AFG2A: variants seen among roughly 807,000 people sequenced by gnomAD.
AFG2A encodes ATPase family gene 2 protein homolog A.
At chr4:122,959,082 T>C in the AFG2A span, among the ~76,000 whole-genome samples, 1 of 152,218 alleles carries the variant, frequency 6.6e-6, no homozygotes, top group African/African-American at 2.4e-5. Context: ...TTTGCATTTC[T>C]AACAAGCTTG....
the AFG2A span, among the ~76,000 whole-genome samples, chr4:123,106,774 C>T: frequency 2.0e-5 from 3 of 152,246 alleles, no homozygotes; most frequent in Non-Finnish European, 2.9e-5. Context: ...GTACTGCTCG[C>T]ACCCACTGAG....
the AFG2A span, among the ~76,000 whole-genome samples, chr4:123,192,263 GCA>G: frequency 6.6e-6 from 1 of 152,162 alleles, no homozygotes; most frequent in Admixed American, 6.6e-5. Context: ...CTGAGCTTAA[GCA>G]ATCTACCTGC....
At chr4:123,074,023 C>T in the AFG2A span, among the ~76,000 whole-genome samples, 2 of 150,792 alleles carry the variant, frequency 1.3e-5, no homozygotes, top group Non-Finnish European at 3.0e-5. Flanking sequence ...TTGCCTTCAA[C>T]ATTTCAGAGT....
At chr4:122,936,591 T>C in the AFG2A span, among the ~76,000 whole-genome samples, 1 of 152,234 alleles carries the variant, frequency 6.6e-6, no homozygotes, top group Non-Finnish European at 1.5e-5. Context: ...ATGCCTGTAA[T>C]ACCATCACTT....
the AFG2A span, among the ~76,000 whole-genome samples, chr4:123,057,546 A>G: frequency 3.3e-5 from 5 of 152,170 alleles, no homozygotes; most frequent in East Asian, 9.6e-4. Context: ...TATAGTTTAT[A>G]TCAACACATA....
At chr4:122,976,587 A>C in the AFG2A span, among the ~76,000 whole-genome samples, 27 of 152,088 alleles carry the variant, frequency 1.8e-4, no homozygotes, top group African/African-American at 6.5e-4. Flanking sequence ...AGCCTTCTAC[A>C]CTTATTCCTC....
the AFG2A span, among the ~76,000 whole-genome samples, chr4:123,161,448 G>A: frequency 6.6e-6 from 1 of 152,154 alleles, no homozygotes; most frequent in Admixed American, 6.5e-5. Flanking sequence ...AAGAAAGGAT[G>A]CTATTTCAGG....
chr4:123,257,417 A>G, the AFG2A span, among the ~76,000 whole-genome samples: 2 of 152,210 alleles, frequency 1.3e-5, no homozygotes, highest in Non-Finnish European at 2.9e-5. Context: ...AAAAACATAT[A>G]TGCATTTTTG....
chr4:123,310,399 C>CCCA, the AFG2A span, among the ~76,000 whole-genome samples: 2 of 152,276 alleles, frequency 1.3e-5, no homozygotes, highest in South Asian at 2.1e-4. Flanking sequence ...TCAATGTAAT[C>CCCA]CGTGTTTTCT....
chr4:123,071,341 G>A, the AFG2A span, among the ~76,000 whole-genome samples: 5 of 152,104 alleles, frequency 3.3e-5, no homozygotes, highest in Admixed American at 6.5e-5. Flanking sequence ...TTAGCCGGGC[G>A]TGGTGGCGCA....
the AFG2A span, among the ~76,000 whole-genome samples, chr4:123,161,489 A>T: frequency 6.6e-6 from 1 of 152,164 alleles, no homozygotes; most frequent in South Asian, 2.1e-4. Context: ...TAGTTATTCC[A>T]TATGGAAATA....
At chr4:123,233,641 G>A in the AFG2A span, among the ~76,000 whole-genome samples, 20 of 152,004 alleles carry the variant, frequency 1.3e-4, no homozygotes, top group African/African-American at 4.8e-4. Flanking sequence ...CCCTGTTGCT[G>A]GAAAGGAAGG....
chr4:122,943,677 T>G, the AFG2A span, among the ~76,000 whole-genome samples: 3 of 152,112 alleles, frequency 2.0e-5, no homozygotes, highest in Admixed American at 1.3e-4. Flanking sequence ...ATCCTGTCAT[T>G]ATGATGTTAG....
the AFG2A span, among the ~76,000 whole-genome samples, chr4:123,304,288 G>A: frequency 6.6e-6 from 1 of 152,040 alleles, no homozygotes; most frequent in Non-Finnish European, 1.5e-5. Flanking sequence ...GTCTCAATGG[G>A]CCTGGGTAAA....
the AFG2A span, among the ~76,000 whole-genome samples, chr4:122,972,345 G>T: frequency 6.6e-6 from 1 of 151,838 alleles, no homozygotes; most frequent in South Asian, 2.1e-4. Flanking sequence ...GTTTTGTAAT[G>T]ATGTCTGCTT....
At chr4:123,098,211 C>T in the AFG2A span, among the ~76,000 whole-genome samples, 3 of 151,754 alleles carry the variant, frequency 2.0e-5, no homozygotes, top group Non-Finnish European at 2.9e-5. Context: ...ATGAACCTCA[C>T]GTTTTTGTTT....
the AFG2A span, among the ~76,000 whole-genome samples, chr4:123,288,799 A>G: frequency 6.6e-6 from 1 of 151,980 alleles, no homozygotes; most frequent in Non-Finnish European, 1.5e-5. Context: ...TGATTCTAAC[A>G]CCTAGCCCTT....
the AFG2A span, among the ~76,000 whole-genome samples, chr4:123,036,017 A>T: frequency 1.3e-4 from 20 of 152,226 alleles, no homozygotes; most frequent in East Asian, 3.3e-3. Flanking sequence ...TTCCTTTTTG[A>T]ATGAAATTTA....
the AFG2A span, among the ~76,000 whole-genome samples, chr4:123,303,177 T>C: frequency 6.6e-6 from 1 of 152,168 alleles, no homozygotes. Flanking sequence ...TCCCCATAGA[T>C]GCAAATGCTA....
Sources: gnomAD v4.1 joint callset for allele counts (sites outside exome capture counted in the v4.1 genomes callset) on GRCh38, gnomAD v4.1.1 for gene constraint, MANE v1.5 for transcripts, NCBI Gene and HGNC (gene_info 2026-07-23, HGNC 2026-07-21) for gene names.